The following MDGA2 variants were observed in gnomAD, a reference collection of about 807,000 sequenced individuals.
MDGA2 encodes the protein MAM domain containing glycosylphosphatidylinositol anchor 2.
In MDGA2, 40 loss-of-function variants were observed where a neutral mutation model predicts 117.8. That is an observed-to-expected ratio of 0.34 (90% confidence interval 0.26 to 0.44). The LOEUF is 0.44. MDGA2 is among the 20% of genes least tolerant of loss of function. The probability of loss-of-function intolerance (pLI) is 1.00; values close to 1 mark genes in which losing one functional copy is unlikely to be tolerated. For missense variants in MDGA2, 1,123 were observed against 1,250.6 expected, an observed-to-expected ratio of 0.90 and a Z score of 1.54; for synonymous variants, 452 against 439.0, an observed-to-expected ratio of 1.03 and a Z score of -0.37.
intron 1 of MDGA2, among the ~76,000 whole-genome samples, chr14:47,640,417 A>G (rs575996019): frequency 4.6e-5 from 7 of 151,996 alleles, no homozygotes; most frequent in African/African-American, 1.7e-4. Context: ...CCTGCCTCCA[A>G]TTTTACCCCA....
intron 1 of MDGA2, among the ~76,000 whole-genome samples, chr14:47,522,639 A>G (rs536182984): frequency 2.0e-5 from 3 of 152,216 alleles, no homozygotes; most frequent in Non-Finnish European, 4.4e-5. Flanking sequence ...CAGCAATAAT[A>G]GCAGAGGTAT....
At chr14:47,557,839 T>G (rs1327588916) in intron 1 of MDGA2, among the ~76,000 whole-genome samples, 3 of 152,230 alleles carry the variant, frequency 2.0e-5, no homozygotes, top group Non-Finnish European at 4.4e-5. Context: ...AACATTTGAT[T>G]TGGCCTCCCT....
intron 2 of MDGA2, among the ~76,000 whole-genome samples, chr14:47,245,232 G>A (rs556759554): frequency 6.6e-6 from 1 of 151,676 alleles, no homozygotes; most frequent in African/African-American, 2.4e-5. Flanking sequence ...TCCCTGTGAC[G>A]AGCCCAGGCT....
chr14:46,932,983 C>T (rs1442358517), intron 9 of MDGA2, among the ~76,000 whole-genome samples: 4 of 151,928 alleles, frequency 2.6e-5, no homozygotes, highest in Non-Finnish European at 5.9e-5. Flanking sequence ...CAACAATAAA[C>T]ATATGGACAT....
intron 10 of MDGA2, among the ~76,000 whole-genome samples, chr14:46,906,380 G>C (rs1280609137): frequency 2.0e-5 from 3 of 151,946 alleles, no homozygotes; most frequent in Non-Finnish European, 4.4e-5. Flanking sequence ...TAATAGTTGG[G>C]ACCAGAATTA....
chr14:47,362,315 A>G (rs1442501801), intron 1 of MDGA2, among the ~76,000 whole-genome samples: 3 of 152,302 alleles, frequency 2.0e-5, no homozygotes, highest in Non-Finnish European at 2.9e-5. Context: ...TAAAAATAAT[A>G]AAAATCAAAT....
chr14:46,905,495 T>C (rs1883454006), intron 10 of MDGA2, among the ~76,000 whole-genome samples: 1 of 152,280 alleles, frequency 6.6e-6, no homozygotes. Flanking sequence ...TGTGGTATTA[T>C]GCATATGCAC....
intron 6 of MDGA2, among the ~76,000 whole-genome samples, chr14:47,079,956 C>T (rs575983891): frequency 3.9e-5 from 6 of 152,126 alleles, no homozygotes; most frequent in African/African-American, 1.2e-4. Context: ...TGGTCTCGAT[C>T]TCCTGACCTC....
intron 3 of MDGA2, among the ~76,000 whole-genome samples, chr14:47,196,178 C>T (rs1885282711): frequency 6.6e-6 from 1 of 151,948 alleles, no homozygotes; most frequent in Non-Finnish European, 1.5e-5. Context: ...ACTAGAATAC[C>T]TTAAAATAAG....
chr14:46,869,480 T>G (rs914178557), intron 14 of MDGA2, among the ~76,000 whole-genome samples: 5 of 151,816 alleles, frequency 3.3e-5, no homozygotes, highest in African/African-American at 9.7e-5. Context: ...GTTGTATCAC[T>G]TACATATAAA....
chr14:47,205,512 T>C (rs1302021320), intron 3 of MDGA2, among the ~76,000 whole-genome samples: 2 of 151,976 alleles, frequency 1.3e-5, no homozygotes, highest in East Asian at 3.8e-4. Flanking sequence ...TAGAGGTCTA[T>C]TTTTCCTTCT....
chr14:47,423,556 C>CTGTGTGTG (rs34672294), intron 1 of MDGA2, among the ~76,000 whole-genome samples: 2 of 150,302 alleles, frequency 1.3e-5, no homozygotes, highest in Non-Finnish European at 3.0e-5. Flanking sequence ...ATCCCCACGC[C>CTGTGTGTG]TGTGTGTGTG....
At chr14:47,465,123 T>C (rs1441364313) in intron 1 of MDGA2, among the ~76,000 whole-genome samples, 1 of 152,062 alleles carries the variant, frequency 6.6e-6, no homozygotes, top group African/African-American at 2.4e-5. Flanking sequence ...CAATAAATGG[T>C]GCTGGGATAA....
chr14:47,155,221 G>T (rs530144793), intron 3 of MDGA2, among the ~76,000 whole-genome samples: 1 of 152,100 alleles, frequency 6.6e-6, no homozygotes, highest in African/African-American at 2.4e-5. Context: ...CCTTGCTCAC[G>T]CCTGTAGTTG....
intron 8 of MDGA2, among the ~76,000 whole-genome samples, chr14:47,007,385 G>A (rs1472795971): frequency 6.6e-6 from 1 of 151,746 alleles, no homozygotes; most frequent in African/African-American, 2.4e-5. Context: ...GTCCACCATG[G>A]CTTGATATGT....
chr14:47,455,879 C>T (rs1312181465), intron 1 of MDGA2, among the ~76,000 whole-genome samples: 6 of 151,924 alleles, frequency 3.9e-5, no homozygotes, highest in Non-Finnish European at 8.8e-5. Flanking sequence ...TGCCTGTAAT[C>T]CCAGTTACTC....
At chr14:47,198,687 T>G (rs1473406428) in intron 3 of MDGA2, among the ~76,000 whole-genome samples, 3 of 152,200 alleles carry the variant, frequency 2.0e-5, no homozygotes, top group Non-Finnish European at 4.4e-5. Flanking sequence ...ACCAGACTCA[T>G]TTAGCAATGT....
chr14:47,098,348 C>A (rs1880105778), intron 5 of MDGA2, among the ~76,000 whole-genome samples: 1 of 150,444 alleles, frequency 6.6e-6, no homozygotes, highest in South Asian at 2.1e-4. Context: ...CCTGTATGAC[C>A]TTTTTAAGCA....
chr14:46,939,094 G>T (rs1282370732), intron 9 of MDGA2, among the ~76,000 whole-genome samples: 1 of 152,136 alleles, frequency 6.6e-6, no homozygotes, highest in Non-Finnish European at 1.5e-5. Flanking sequence ...TAGAACAGAG[G>T]TTACCAGAGC....
Sources: allele counts gnomAD v4.1 joint callset (sites outside exome capture counted in the v4.1 genomes callset), GRCh38; gene constraint gnomAD v4.1.1; transcripts MANE v1.5; gene names NCBI Gene and HGNC (gene_info 2026-07-23, HGNC 2026-07-21).